The following FRMD5 variants were observed in gnomAD, a reference collection of about 807,000 sequenced individuals.
FRMD5 encodes FERM domain containing 5, also known as FERM domain-containing protein 5.
In FRMD5, 20 loss-of-function variants were observed where a neutral mutation model predicts 69.0. That is an observed-to-expected ratio of 0.29 (90% CI 0.20 to 0.42). The LOEUF is 0.42. Among genes scored for constraint, FRMD5 ranks in the 10% least tolerant of loss-of-function variants. The pLI is 1.00. For synonymous variants in FRMD5, 271 were observed against 260.1 expected (o/e 1.04, Z -0.40); for missense variants, 595 against 708.6 (o/e 0.84, Z 1.82).
intron 1 of FRMD5, among the ~76,000 whole-genome samples, chr15:44,078,237 T>C (rs1469237078): frequency 6.6e-6 from 1 of 152,136 alleles, no homozygotes; most frequent in African/African-American, 2.4e-5. Context: ...CTTTATCCTG[T>C]AATCTTTTAT....
At position 44,163,107 on chromosome 15, in the gene FRMD5, G is replaced by C. The variant is rs183960384; in HGVS notation, c.102+31846C>G. Among the ~76,000 whole-genome samples the C allele has an allele frequency of 5.9e-5, 9 of 152,278 alleles. 1 individual carries two copies. The highest frequency in any genetic ancestry group is 5.9e-4 in the Admixed American group (9 of 15,296). On this transcript the variant is annotated intron_variant, in intron 1 of 13. Transcript: ENST00000417257. ...CAGAACAGCGTGAACCCGAGAGGCG[G>C]AGCTTGCAGTGAGCCGAGATTGCGC... is the stretch of plus-strand genomic sequence containing the variant.
intron 1 of FRMD5, among the ~76,000 whole-genome samples, chr15:44,122,816 G>A (rs2076972608): frequency 6.6e-6 from 1 of 151,958 alleles, no homozygotes; most frequent in Non-Finnish European, 1.5e-5. Context: ...GCGTGAACCC[G>A]GGAGGCAGAG....
At chr15:43,966,419 G>A (rs2090296210) in intron 1 of FRMD5, among the ~76,000 whole-genome samples, 1 of 151,842 alleles carries the variant, frequency 6.6e-6, no homozygotes. Context: ...TAACTGGGCA[G>A]GATAGGAAAA....
At chr15:44,066,124 C>G (rs905210856) in intron 1 of FRMD5, among the ~76,000 whole-genome samples, 2 of 152,146 alleles carry the variant, frequency 1.3e-5, no homozygotes, top group African/African-American at 4.8e-5. Context: ...ACTGTCTACC[C>G]CATGTTTTCT....
intron 1 of FRMD5, among the ~76,000 whole-genome samples, chr15:43,924,955 C>T (rs921252978): frequency 1.3e-5 from 2 of 152,074 alleles, no homozygotes; most frequent in African/African-American, 4.8e-5. Flanking sequence ...CCACCCTGTG[C>T]CCCAGTTCCT....
At chr15:44,195,290 T>G (rs1386063649), upstream of FRMD5, 23 of 463,934 alleles carry the variant, frequency 5.0e-5, no homozygotes, top group East Asian at 1.3e-4. Context: ...GGCGCCCCAG[T>G]GCCCGTGCCC....
At chr15:44,107,114 T>C (rs1244175365) in intron 1 of FRMD5, among the ~76,000 whole-genome samples, 1 of 152,204 alleles carries the variant, frequency 6.6e-6, no homozygotes, top group Non-Finnish European at 1.5e-5. Context: ...GTATTGTGGG[T>C]TGTTTGTTTC....
intron 1 of FRMD5, among the ~76,000 whole-genome samples, chr15:44,135,883 C>T (rs2077176955): frequency 1.3e-5 from 2 of 151,064 alleles, no homozygotes; most frequent in Admixed American, 1.3e-4. Flanking sequence ...TTAGTAGACG[C>T]ATAAAATTTT....
chr15:43,944,540 T>C (rs920501637), intron 1 of FRMD5, among the ~76,000 whole-genome samples: 1 of 151,732 alleles, frequency 6.6e-6, no homozygotes, highest in African/African-American at 2.4e-5. Flanking sequence ...AGTGATTCTC[T>C]TGCCTCAGCT....
intron 1 of FRMD5, among the ~76,000 whole-genome samples, chr15:44,171,205 T>C (rs1390652838): frequency 1.3e-5 from 2 of 152,248 alleles, no homozygotes; most frequent in Admixed American, 6.5e-5. Context: ...CAAAATATAC[T>C]AAGTTATCAC....
chr15:43,898,575 C>G, intron 7 of FRMD5, among the ~76,000 whole-genome samples: 1 of 152,206 alleles, frequency 6.6e-6, no homozygotes. Flanking sequence ...TAAGTTGGGC[C>G]CAGGAGGCCA....
At chr15:44,120,021 G>C (rs1269707368) in intron 1 of FRMD5, among the ~76,000 whole-genome samples, 1 of 152,192 alleles carries the variant, frequency 6.6e-6, no homozygotes, top group Non-Finnish European at 1.5e-5. Flanking sequence ...CATGGTCCCA[G>C]AGATGTACAG....
chr15:43,902,181 T>G lies in FRMD5; in HGVS notation c.633A>C (p.Pro211=). Residue 211 remains proline (P), a synonymous_variant, in exon 7 of 14, where the codon CCA becomes CCC. Coordinates refer to ENST00000417257, the MANE Select transcript of FRMD5 (RefSeq NM_032892.5). ...TCCAACCAGGGGGTCTTACCTTACA[T>G]GGGTGAGGATCCACTCCATATGTTT... ...TLETYGVDPH[P]CKDVSGNAAF... 1 of 1,613,322 alleles carries G rather than the reference T, an allele frequency of 6.2e-7. No individual in the cohort carries two copies. Among genetic ancestry groups the G allele is most frequent in the Non-Finnish European group, 8.5e-7 (1 of 1,179,242 alleles).
At chr15:43,897,487 C>CAA (rs34243475) in intron 7 of FRMD5, among the ~76,000 whole-genome samples, 1,116 of 16,116 alleles carry the variant, frequency 0.069, 142 homozygotes, top group East Asian at 0.12. Context: ...CACTCCATCT[C>CAA]AAAAAAAAAA....
chr15:43,987,971 A>G, intron 1 of FRMD5, among the ~76,000 whole-genome samples: 1 of 152,178 alleles, frequency 6.6e-6, no homozygotes, highest in Non-Finnish European at 1.5e-5. Flanking sequence ...GTCATGGGAG[A>G]CAGTGACAGA....
intron 1 of FRMD5, among the ~76,000 whole-genome samples, chr15:44,075,795 G>A (rs1893733626): frequency 6.6e-6 from 1 of 152,150 alleles, no homozygotes; most frequent in African/African-American, 2.4e-5. Context: ...GCTCGTGAAA[G>A]CACAAGTCCC....
chr15:44,187,767 C>T (rs895252658), intron 1 of FRMD5, among the ~76,000 whole-genome samples: 2 of 152,068 alleles, frequency 1.3e-5, no homozygotes, highest in Non-Finnish European at 2.9e-5. Context: ...CAAGGTCTTG[C>T]TATGTTGCCC....
chr15:43,907,893 G>A (rs950798044), intron 5 of FRMD5, among the ~76,000 whole-genome samples: 2 of 152,030 alleles, frequency 1.3e-5, no homozygotes, highest in East Asian at 3.9e-4. Flanking sequence ...CTTCCACCTC[G>A]GCCTTCCAAA....
At chr15:44,128,174 C>T (rs1173078381) in intron 1 of FRMD5, among the ~76,000 whole-genome samples, 1 of 152,158 alleles carries the variant, frequency 6.6e-6, no homozygotes. Flanking sequence ...CTATTTAGCA[C>T]TCATGAGTTA....
Sources: allele counts gnomAD v4.1 joint callset (sites outside exome capture counted in the v4.1 genomes callset), GRCh38; gene constraint gnomAD v4.1.1; transcripts MANE v1.5; gene names NCBI Gene and HGNC (gene_info 2026-07-23, HGNC 2026-07-21).